Variants in DSCAM observed in about 807,000 individuals in gnomAD.
DSCAM encodes DS cell adhesion molecule.
DSCAM carries 47 observed loss-of-function variants against 217.7 expected under a neutral mutation model. The ratio of observed to expected loss-of-function variants is 0.22; its 90% confidence interval spans 0.17 to 0.28. DSCAM has a LOEUF of 0.28. Among genes scored for constraint, DSCAM ranks in the 10% least tolerant of loss-of-function variants. The pLI is 1.00. For synonymous variants in DSCAM, 1,056 were observed against 1,015.3 expected (o/e 1.04, Z -0.76); for missense variants, 2,080 against 2,618.3 (o/e 0.79, Z 4.49).
intron 3 of DSCAM, among the ~76,000 whole-genome samples, chr21:40,670,554 A>C (rs2090261888): frequency 7.3e-6 from 1 of 137,154 alleles, no homozygotes; most frequent in African/African-American, 2.6e-5. Context: ...AAAAAAAGTG[A>C]CTACTTTAGA....
At chr21:40,728,639 C>T (rs998118113) in intron 1 of DSCAM, among the ~76,000 whole-genome samples, 2 of 152,036 alleles carry the variant, frequency 1.3e-5, no homozygotes, top group Admixed American at 6.6e-5. Context: ...AGGCTGGTCT[C>T]GAACTCCTGA....
At chr21:40,423,230 T>G (rs569217756) in intron 3 of DSCAM, among the ~76,000 whole-genome samples, 1 of 152,254 alleles carries the variant, frequency 6.6e-6, no homozygotes, top group Non-Finnish European at 1.5e-5. Flanking sequence ...ACAGCAAATA[T>G]ATTCATTCCC....
chr21:40,485,243 T>C (rs1326529402), intron 3 of DSCAM, among the ~76,000 whole-genome samples: 42 of 146,326 alleles, frequency 2.9e-4, no homozygotes, highest in Non-Finnish European at 5.0e-4. Flanking sequence ...CTTTCTTTTT[T>C]TTTTTTTTTT....
chr21:40,522,237 G>A (rs894603110), intron 3 of DSCAM, among the ~76,000 whole-genome samples: 2 of 152,198 alleles, frequency 1.3e-5, no homozygotes, highest in Admixed American at 1.3e-4. Flanking sequence ...TACAAACTCA[G>A]AGTAAATGGT....
intron 10 of DSCAM, among the ~76,000 whole-genome samples, chr21:40,276,710 C>T (rs2073692354): frequency 6.6e-6 from 1 of 152,154 alleles, no homozygotes; most frequent in East Asian, 1.9e-4. Flanking sequence ...GCTCACTGCA[C>T]ATGTCTGAGG....
At chr21:40,133,235 G>A (rs1413373908) in intron 19 of DSCAM, among the ~76,000 whole-genome samples, 1 of 152,160 alleles carries the variant, frequency 6.6e-6, no homozygotes, top group Admixed American at 6.5e-5. Context: ...TTGTTGTATG[G>A]TTTTTGTACG....
At position 40,084,826 on chromosome 21, in the gene DSCAM, A is replaced by C. The variant is rs887002906; in HGVS notation, c.4132+776T>G. Among the ~76,000 whole-genome samples, 3 of 152,246 alleles carry C rather than the reference A, an allele frequency of 2.0e-5. No homozygotes were observed. In the South Asian group the frequency reaches 6.2e-4, roughly 32 times the overall value. ...AATTCCCTGGAATTCTCCTGACTTC[A>C]ATTAATTTGAAATTCAAGATCAATT... On this transcript the variant is annotated intron_variant, in intron 23 of 32. Transcript: ENST00000400454.
chr21:40,149,803 A>G (rs892141170), intron 16 of DSCAM, among the ~76,000 whole-genome samples: 6 of 149,880 alleles, frequency 4.0e-5, no homozygotes, highest in Non-Finnish European at 7.4e-5. Context: ...ACCACCATCC[A>G]TCACTCCATC....
chr21:40,603,761 ACT>A (rs950612064), intron 3 of DSCAM, among the ~76,000 whole-genome samples: 25 of 150,038 alleles, frequency 1.7e-4, no homozygotes, highest in African/African-American at 5.9e-4. Flanking sequence ...ATTTCACTCC[ACT>A]CTCTTACTTG....
intron 3 of DSCAM, among the ~76,000 whole-genome samples, chr21:40,689,552 A>C (rs917273729): frequency 6.6e-6 from 1 of 152,242 alleles, no homozygotes; most frequent in Non-Finnish European, 1.5e-5. Flanking sequence ...TCACTCACTT[A>C]GTAAGATACT....
intron 1 of DSCAM, among the ~76,000 whole-genome samples, chr21:40,744,668 A>G (rs2146548576): frequency 6.6e-6 from 1 of 152,286 alleles, no homozygotes; most frequent in South Asian, 2.1e-4. Flanking sequence ...TAACACCAGC[A>G]GAAGCTGGAA....
At chr21:40,790,508 G>T (rs561353476) in intron 1 of DSCAM, among the ~76,000 whole-genome samples, 2 of 152,204 alleles carry the variant, frequency 1.3e-5, no homozygotes, top group South Asian at 4.2e-4. Flanking sequence ...AGCTCGTTTT[G>T]CCCTCTGCAA....
At chr21:40,132,154 G>A (rs2090160392) in intron 19 of DSCAM, among the ~76,000 whole-genome samples, 1 of 152,174 alleles carries the variant, frequency 6.6e-6, no homozygotes, top group African/African-American at 2.4e-5. Context: ...CTGAAGGAGT[G>A]GAGAGCAAAT....
intron 2 of DSCAM, among the ~76,000 whole-genome samples, chr21:40,698,559 G>A (rs963148207): frequency 6.6e-5 from 10 of 152,032 alleles, no homozygotes; most frequent in African/African-American, 9.7e-5. Flanking sequence ...CCTAACAGGC[G>A]CCTGATCTTG....
intron 3 of DSCAM, among the ~76,000 whole-genome samples, chr21:40,585,169 A>C (rs1734276332): frequency 9.2e-6 from 1 of 108,980 alleles, no homozygotes; most frequent in Admixed American, 1.1e-4. Flanking sequence ...ACCGCGAGAC[A>C]AATCAACTTC....
chr21:40,711,785 G>A (rs1333705004), intron 1 of DSCAM, among the ~76,000 whole-genome samples: 3 of 152,228 alleles, frequency 2.0e-5, no homozygotes, highest in Non-Finnish European at 4.4e-5. Flanking sequence ...ACCTGAGACC[G>A]CTATCATCAG....
chr21:40,455,474 A>T (rs1451763694), intron 3 of DSCAM, among the ~76,000 whole-genome samples: 1 of 152,226 alleles, frequency 6.6e-6, no homozygotes, highest in African/African-American at 2.4e-5. Flanking sequence ...TTGCATTAGA[A>T]ACATAAACCA....
At chr21:40,264,056 T>TAAA (rs113936417) in intron 11 of DSCAM, among the ~76,000 whole-genome samples, 11,511 of 147,920 alleles carry the variant, frequency 0.078, 1,019 homozygotes, top group East Asian at 0.21. Flanking sequence ...GAATCAGCAA[T>TAAA]AAAAAAAAAA....
intron 4 of DSCAM, among the ~76,000 whole-genome samples, chr21:40,364,031 G>A (rs1380760314): frequency 6.6e-6 from 1 of 152,144 alleles, no homozygotes; most frequent in African/African-American, 2.4e-5. Flanking sequence ...GGAAACAACA[G>A]GTGCTGGAGA....
Sources: allele counts gnomAD v4.1 joint callset (sites outside exome capture counted in the v4.1 genomes callset), GRCh38; gene constraint gnomAD v4.1.1; transcripts MANE v1.5; gene names NCBI Gene and HGNC (gene_info 2026-07-23, HGNC 2026-07-21).